Variants in TRDMT1 observed in about 807,000 individuals in gnomAD.
TRDMT1 encodes tRNA aspartic acid methyltransferase 1.
Under a neutral mutation model 51.2 loss-of-function variants are expected in TRDMT1, and 49 were observed. The observed-to-expected ratio is 0.96, with a 90% CI of 0.76 to 1.21. TRDMT1 has a LOEUF of 1.21. Ranked by LOEUF, TRDMT1 falls within the 50% of genes most tolerant of loss-of-function variation. TRDMT1 has a pLI of 0.00. For synonymous variants in TRDMT1, 187 were observed against 164.6 expected (o/e 1.14, Z -1.04); for missense variants, 534 against 462.3 (o/e 1.16, Z -1.42).
chr10:17,198,637 C>G (rs1327868087), intron 1 of TRDMT1, among the ~76,000 whole-genome samples: 1 of 152,082 alleles, frequency 6.6e-6, no homozygotes, highest in Non-Finnish European at 1.5e-5. Flanking sequence ...TTACCAGGGA[C>G]TGGGGGGAAA....
chr10:17,159,286 CTT>C (rs1281643846), intron 6 of TRDMT1, 57 bp from the exon 7 acceptor site: 2 of 1,268,970 alleles, frequency 1.6e-6, no homozygotes. Flanking sequence ...GCGGTACCAA[CTT>C]TAGCACCAAG....
intron 10 of TRDMT1, chr10:17,153,132 CG>C: frequency 3.1e-6 from 1 of 319,020 alleles, no homozygotes; most frequent in Non-Finnish European, 5.7e-6. Context: ...AAAAGCCAAT[CG>C]AAAGCATTCT....
chr10:17,194,060 G>A (rs900194685), intron 1 of TRDMT1, among the ~76,000 whole-genome samples: 1 of 152,146 alleles, frequency 6.6e-6, no homozygotes, highest in Admixed American at 6.5e-5. Context: ...ATGGGGAAAG[G>A]ACTCACTATT....
intron 10 of TRDMT1, chr10:17,151,083 T>A (rs1342121102): frequency 1.2e-6 from 1 of 860,914 alleles, no homozygotes; most frequent in Non-Finnish European, 1.4e-6. Context: ...GCATTGCAGT[T>A]TTTGCCACTG....
chr10:17,144,828 A>G lies in TRDMT1; in HGVS notation c.*4212T>C, dbSNP rs1479639332. On this transcript the variant is annotated 3_prime_UTR_variant, in exon 11 of 11. Transcript: ENST00000377799. ...AAATACTTTTTCTTTTTTTTTTTAA[A>G]CTGAAGCTTTAAAATTTCACCAGCA... 3.0e-6 allele frequency: 3 copies of G among 985,024 alleles called. No individual in the cohort carries two copies. The African/African-American group carries it at 5.2e-5, about 17-fold the overall frequency. The allele number at this position is 985,024 out of a possible 1,614,324, so 61.0% of individuals were successfully genotyped here. A position where few individuals can be genotyped will look rare whatever the true frequency, so the allele number is the denominator to read the frequency against.
intron 1 of TRDMT1, among the ~76,000 whole-genome samples, chr10:17,199,233 G>A (rs964197085): frequency 6.6e-6 from 1 of 152,192 alleles, no homozygotes; most frequent in Admixed American, 6.5e-5. Flanking sequence ...ATATGATTAA[G>A]AGTCTATATC....
In TRDMT1 at chr10:17,144,031, A is replaced by G. The variant is rs1405434556; in HGVS notation, c.*5009T>C. ...GCAGATTTAGAGTCATCTGGGTGTC[A>G]TCGGCAAAATGGCTGAAGTTGTAGG... On this transcript the variant is annotated 3_prime_UTR_variant, in exon 11 of 11. Coordinates refer to ENST00000377799, the MANE Select transcript of TRDMT1 (RefSeq NM_004412.7). The G allele has an allele frequency of 5.1e-6, 5 of 985,358 alleles. No individual in the cohort carries two copies. Among genetic ancestry groups the G allele is most frequent in the Non-Finnish European group, 6.0e-6 (5 of 829,970 alleles). The allele number at this position is 985,358 out of a possible 1,614,324, so 61.0% of individuals were successfully genotyped here.
At chr10:17,190,333 A>G (rs1443648654) in intron 1 of TRDMT1, among the ~76,000 whole-genome samples, 1 of 152,096 alleles carries the variant, frequency 6.6e-6, no homozygotes, top group Non-Finnish European at 1.5e-5. Context: ...CATTATGATA[A>G]TAATCACCGT....
At chr10:17,151,866 T>G (rs181426886) in intron 10 of TRDMT1, 38 of 1,037,906 alleles carry the variant, frequency 3.7e-5, no homozygotes, top group Non-Finnish European at 4.4e-5. Context: ...GCAGGAGTTA[T>G]GATCATCCTC....
At chr10:17,198,932 T>C (rs142785343) in intron 1 of TRDMT1, among the ~76,000 whole-genome samples, 11 of 152,312 alleles carry the variant, frequency 7.2e-5, no homozygotes, top group African/African-American at 2.4e-4. Flanking sequence ...AGGAAGTTAG[T>C]AGTTCTAACC....
At chr10:17,187,475 G>A (rs1168413076) in intron 1 of TRDMT1, among the ~76,000 whole-genome samples, 1 of 152,030 alleles carries the variant, frequency 6.6e-6, no homozygotes, top group African/African-American at 2.4e-5. Context: ...ATGTACTATA[G>A]CTTATTCATT....
chr10:17,165,001 C>A (rs1340826252), intron 3 of TRDMT1, among the ~76,000 whole-genome samples: 2 of 152,068 alleles, frequency 1.3e-5, no homozygotes, highest in African/African-American at 4.8e-5. Context: ...ATTTTCTTCA[C>A]AGAATTGGAA....
chr10:17,177,320 G>C (rs1484812482), intron 1 of TRDMT1, among the ~76,000 whole-genome samples: 1 of 151,854 alleles, frequency 6.6e-6, no homozygotes, highest in African/African-American at 2.4e-5. Flanking sequence ...TCCTGCCTCA[G>C]TCTCCAGAGT....
intron 1 of TRDMT1, among the ~76,000 whole-genome samples, chr10:17,181,447 C>T (rs1382643235): frequency 6.6e-6 from 1 of 152,134 alleles, no homozygotes; most frequent in Non-Finnish European, 1.5e-5. Flanking sequence ...AGCACCCAGG[C>T]ATTGCAGTAA....
chr10:17,151,730 T>C (rs1322725167), intron 10 of TRDMT1: 1 of 844,570 alleles, frequency 1.2e-6, no homozygotes. Context: ...GAAATAAAGA[T>C]TATAAAAGTA....
At chr10:17,196,473 G>T (rs1845450042) in intron 1 of TRDMT1, among the ~76,000 whole-genome samples, 1 of 152,224 alleles carries the variant, frequency 6.6e-6, no homozygotes, top group African/African-American at 2.4e-5. Context: ...TGACCTTGCA[G>T]GCTCCACTGA....
chr10:17,160,251 A>G (rs1840126397), intron 6 of TRDMT1, 54 bp downstream of exon 6: 3 of 1,215,002 alleles, frequency 2.5e-6, no homozygotes, highest in Non-Finnish European at 3.3e-6. Flanking sequence ...TTCCTTTGGG[A>G]AAAAAAGCCT....
chr10:17,159,385 T>C (rs991487523), intron 6 of TRDMT1, among the ~76,000 whole-genome samples, 156 bp from the exon 7 acceptor site: 2 of 152,294 alleles, frequency 1.3e-5, no homozygotes, highest in South Asian at 2.1e-4. Flanking sequence ...GAAGACTCCA[T>C]TGTAGTACAT....
Position 17,141,750 on chromosome 10 carries a change from A to G in TRDMT1, c.*7290T>C, listed in dbSNP as rs930369665. 1.3e-5 allele frequency among the ~76,000 whole-genome samples: 2 copies of G among 152,214 alleles called. No homozygotes were observed. Among genetic ancestry groups the G allele is most frequent in the African/African-American group, 2.4e-5 (1 of 41,452 alleles). ...ATCTCAAGTTTAGCAAAAGATATAA[A>G]TGTACAGATTCAAGAAGGTGAATGA... is the stretch of plus-strand genomic sequence containing the variant. On this transcript the variant is annotated 3_prime_UTR_variant, in exon 11 of 11. Coordinates refer to ENST00000377799, the MANE Select transcript of TRDMT1 (RefSeq NM_004412.7).
Sources: allele counts gnomAD v4.1 joint callset (sites outside exome capture counted in the v4.1 genomes callset), GRCh38; gene constraint gnomAD v4.1.1; transcripts MANE v1.5; gene names NCBI Gene and HGNC (gene_info 2026-07-23, HGNC 2026-07-21).